The following FUNDC1 variants were observed in gnomAD, a reference collection of about 807,000 sequenced individuals.
FUNDC1 encodes the protein FUN14 domain-containing protein 1.
FUNDC1 carries 10 observed loss-of-function variants against 14.5 expected under a neutral mutation model. That is an observed-to-expected ratio of 0.69 (90% CI 0.43 to 1.17). The LOEUF (loss-of-function observed/expected upper bound fraction) is 1.17, where lower values mean the gene tolerates loss of function less well. Ranked by LOEUF, FUNDC1 falls within the 50% of genes most tolerant of loss-of-function variation. FUNDC1 has a pLI of 0.00. For synonymous variants in FUNDC1, 33 were observed against 39.7 expected (o/e 0.83, Z 0.64); for missense variants, 115 against 113.8 (o/e 1.01, Z -0.05).
chrX:44,537,974 TTTTTG>T (rs1000782244), intron 3 of FUNDC1, among the ~76,000 whole-genome samples: 2 of 112,291 alleles, frequency 1.8e-5, no homozygotes, highest in Non-Finnish European at 3.8e-5. Flanking sequence ...AGATTATGGA[TTTTTG>T]TTTTGTTTTG....
chrX:44,535,539 G>A (rs986846129), intron 3 of FUNDC1, among the ~76,000 whole-genome samples: 7 of 106,336 alleles, frequency 6.6e-5, no homozygotes, highest in Non-Finnish European at 1.2e-4. Context: ...GCTTGGTGGC[G>A]GGCGCCTGTT....
chrX:44,529,881 G>A (rs1463806313), intron 3 of FUNDC1, among the ~76,000 whole-genome samples: 1 of 112,360 alleles, frequency 8.9e-6, no homozygotes, highest in Non-Finnish European at 1.9e-5. Context: ...GTCTCACTAT[G>A]TTGCCCAGGC....
At chrX:44,534,369 G>C (rs1569188626) in intron 3 of FUNDC1, among the ~76,000 whole-genome samples, 1 of 109,836 alleles carries the variant, frequency 9.1e-6, no homozygotes, top group Non-Finnish European at 1.9e-5. Flanking sequence ...AATAAAGAAA[G>C]AAAAATTAGA....
At chrX:44,535,669 C>CAAAAAAA (rs1224864816) in intron 3 of FUNDC1, among the ~76,000 whole-genome samples, 1 of 32,262 alleles carries the variant, frequency 3.1e-5, no homozygotes, top group African/African-American at 1.4e-4. Flanking sequence ...GACTCTGTCT[C>CAAAAAAA]AAAAAAAAAA....
At chrX:44,525,100 T>A (rs2038895722) in intron 4 of FUNDC1, among the ~76,000 whole-genome samples, 1 of 111,438 alleles carries the variant, frequency 9.0e-6, no homozygotes, top group Non-Finnish European at 1.9e-5. Context: ...CCTAGAGGTG[T>A]CAAAAATGTC....
chrX:44,542,246 AAC>A (rs2038975215), intron 1 of FUNDC1, 145 bp from the exon 2 acceptor site: 2 of 461,811 alleles, frequency 4.3e-6, no homozygotes, highest in Admixed American at 8.3e-5. Context: ...GACTTTATTT[AAC>A]TCAATTCTTG....
intron 3 of FUNDC1, among the ~76,000 whole-genome samples, chrX:44,531,315 G>GACACACACACACACAC (rs766982993): frequency 2.1e-4 from 4 of 18,882 alleles, no homozygotes; most frequent in Non-Finnish European, 3.3e-4. Context: ...ATGTTGGCCA[G>GACACACACACACACAC]ACACACACAC....
chrX:44,542,472 T>C (rs2038976214), intron 1 of FUNDC1, among the ~76,000 whole-genome samples: 1 of 110,349 alleles, frequency 9.1e-6, no homozygotes, highest in African/African-American at 3.3e-5. Flanking sequence ...GGGGTCCTCC[T>C]GAGAGAACTA....
At chrX:44,530,435 A>C (rs1196863274) in intron 3 of FUNDC1, among the ~76,000 whole-genome samples, 2 of 105,051 alleles carry the variant, frequency 1.9e-5, no homozygotes, top group Non-Finnish European at 3.9e-5. Flanking sequence ...GTGAAACCCT[A>C]TCTCTACTAA....
chrX:44,528,790 G>A (rs1225536785), intron 3 of FUNDC1, among the ~76,000 whole-genome samples: 1 of 112,306 alleles, frequency 8.9e-6, no homozygotes, highest in Non-Finnish European at 1.9e-5. Flanking sequence ...TCCGCCTCCC[G>A]GGTTTATGCC....
At chrX:44,542,422 C>G in intron 1 of FUNDC1, 1 of 373,506 alleles carries the variant, frequency 2.7e-6, no homozygotes, top group Non-Finnish European at 4.6e-6. Flanking sequence ...AAGGTCAGAG[C>G]AGGGTCCATT....
chrX:44,532,574 C>T (rs764613273), intron 3 of FUNDC1, among the ~76,000 whole-genome samples: 3 of 102,926 alleles, frequency 2.9e-5, no homozygotes, highest in East Asian at 3.0e-4. Context: ...TTTTTTGAGA[C>T]GGAGTTTCGC....
chrX:44,541,489 C>T (rs751896580), intron 2 of FUNDC1, among the ~76,000 whole-genome samples: 1 of 111,792 alleles, frequency 8.9e-6, no homozygotes, highest in Non-Finnish European at 1.9e-5. Context: ...GTATCATCAC[C>T]AATAATTCAT....
At chrX:44,531,798 ACACACAG>A (rs1216603087) in intron 3 of FUNDC1, among the ~76,000 whole-genome samples, 1 of 109,696 alleles carries the variant, frequency 9.1e-6, no homozygotes, top group Non-Finnish European at 1.9e-5. Context: ...ACACACACAC[ACACACAG>A]AAGCTTGATC....
chrX:44,527,954 C>T (rs1488538256), intron 3 of FUNDC1, among the ~76,000 whole-genome samples: 4 of 111,257 alleles, frequency 3.6e-5, no homozygotes, highest in African/African-American at 1.3e-4. Flanking sequence ...ACAAACTGCA[C>T]TCTACACAAG....
intron 3 of FUNDC1, among the ~76,000 whole-genome samples, chrX:44,533,269 G>A (rs2038933436): frequency 1.8e-5 from 2 of 110,941 alleles, no homozygotes; most frequent in African/African-American, 6.6e-5. Flanking sequence ...CATTGCATTG[G>A]TTGAAACAAT....
intron 2 of FUNDC1, among the ~76,000 whole-genome samples, chrX:44,539,476 CAG>C (rs2038962162): frequency 9.0e-6 from 1 of 110,934 alleles, no homozygotes; most frequent in African/African-American, 3.3e-5. Flanking sequence ...ACAACAGAGG[CAG>C]AGACTGGAGT....
At chrX:44,534,213 A>T (rs1266747144) in intron 3 of FUNDC1, among the ~76,000 whole-genome samples, 1 of 110,193 alleles carries the variant, frequency 9.1e-6, no homozygotes, top group Non-Finnish European at 1.9e-5. Flanking sequence ...AAAAATTATT[A>T]GGCCAAGCAG....
In FUNDC1 at chrX:44,541,989, T is replaced by C. The variant is rs762751536; in HGVS notation, c.141A>G (p.Lys47=). The C allele has an allele frequency of 5.0e-6, 6 of 1,206,433 alleles. No individual in the cohort carries two copies. The highest frequency in any genetic ancestry group is 5.6e-6 in the Non-Finnish European group (5 of 893,212). ...TTACAATCTGGGTAGCTACTGAGTA[T>C]TTTTCTACCATAGGTCCCGAACTGT... ...FGHSSGPMVE[K]YSVATQIVMG... is the part of the protein sequence containing the mutation. The change falls in exon 2 of 5, where the codon AAA becomes AAG. Residue 47 remains lysine, a synonymous_variant. Coordinates refer to ENST00000378045, the MANE Select transcript of FUNDC1 (RefSeq NM_173794.4).
Sources: gnomAD v4.1 joint callset for allele counts (sites outside exome capture counted in the v4.1 genomes callset) on GRCh38, gnomAD v4.1.1 for gene constraint, MANE v1.5 for transcripts, NCBI Gene and HGNC (gene_info 2026-07-23, HGNC 2026-07-21) for gene names.